The following ZCCHC7 variants were observed in gnomAD, a reference collection of about 807,000 sequenced individuals.
The protein encoded by ZCCHC7 is zinc finger CCHC-type containing 7.
In ZCCHC7, 35 loss-of-function variants were observed where a neutral mutation model predicts 52.0. The observed-to-expected ratio is 0.67, with a 90% CI of 0.51 to 0.89. The LOEUF (loss-of-function observed/expected upper bound fraction) is 0.89. Among genes scored for constraint, ZCCHC7 ranks in the 40% least tolerant of loss-of-function variants. ZCCHC7 has a pLI of 0.00. For synonymous variants in ZCCHC7, 217 were observed against 221.5 expected (o/e 0.98, Z 0.18); for missense variants, 574 against 649.1 (o/e 0.88, Z 1.26).
upstream of ZCCHC7, among the ~76,000 whole-genome samples, chr9:37,120,364 G>T (rs945347311): frequency 3.9e-5 from 6 of 152,252 alleles, no homozygotes; most frequent in Admixed American, 3.9e-4. Flanking sequence ...GTTGGGAAGG[G>T]GAAGGGGGAA....
chr9:37,272,230 C>T (rs1827452409), intron 2 of ZCCHC7, among the ~76,000 whole-genome samples: 1 of 152,074 alleles, frequency 6.6e-6, no homozygotes, highest in African/African-American at 2.4e-5. Flanking sequence ...TAAATATCTG[C>T]TGGGCCTGGT....
intron 2 of ZCCHC7, among the ~76,000 whole-genome samples, chr9:37,282,198 C>G (rs1166458453): frequency 6.6e-6 from 1 of 152,114 alleles, no homozygotes; most frequent in Admixed American, 6.6e-5. Context: ...GAAAATAATT[C>G]TGGTGATGGC....
At chr9:37,234,176 G>C (rs1175393516) in intron 2 of ZCCHC7, among the ~76,000 whole-genome samples, 1 of 152,062 alleles carries the variant, frequency 6.6e-6, no homozygotes, top group African/African-American at 2.4e-5. Flanking sequence ...GCCAGGATAG[G>C]GATTTATTGA....
chr9:37,263,562 T>C (rs1826962958), intron 2 of ZCCHC7, among the ~76,000 whole-genome samples: 1 of 152,162 alleles, frequency 6.6e-6, no homozygotes, highest in Admixed American at 6.5e-5. Context: ...TTGCATATCC[T>C]CTTTAAAATC....
chr9:37,244,007 T>C (rs1588540449), intron 2 of ZCCHC7, among the ~76,000 whole-genome samples: 2 of 151,980 alleles, frequency 1.3e-5, no homozygotes, highest in East Asian at 3.9e-4. Context: ...ATTTTATTCA[T>C]TTTTCACTTC....
intron 2 of ZCCHC7, among the ~76,000 whole-genome samples, chr9:37,164,461 A>C (rs1441720073): frequency 6.8e-6 from 1 of 146,166 alleles, no homozygotes; most frequent in African/African-American, 2.6e-5. Context: ...AGATAGATAG[A>C]TAGATAGATA....
chr9:37,253,006 C>T (rs1340749369), intron 2 of ZCCHC7, among the ~76,000 whole-genome samples: 1 of 151,990 alleles, frequency 6.6e-6, no homozygotes, highest in East Asian at 1.9e-4. Context: ...TGTTTCCTTC[C>T]TTTCATTAAA....
intron 2 of ZCCHC7, among the ~76,000 whole-genome samples, chr9:37,253,628 A>G (rs920745388): frequency 2.6e-5 from 4 of 152,050 alleles, no homozygotes; most frequent in Non-Finnish European, 4.4e-5. Flanking sequence ...CACATAAAAA[A>G]AAATTTACAT....
chr9:37,288,276 T>C (rs1276550639), intron 2 of ZCCHC7, among the ~76,000 whole-genome samples: 5 of 146,206 alleles, frequency 3.4e-5, no homozygotes, highest in African/African-American at 1.3e-4. Context: ...TGAGACCTTG[T>C]CTCAAAAAAA....
At chr9:37,254,843 T>TTTC (rs1826503951) in intron 2 of ZCCHC7, among the ~76,000 whole-genome samples, 1 of 145,186 alleles carries the variant, frequency 6.9e-6, no homozygotes, top group African/African-American at 2.5e-5. Flanking sequence ...GTTTCTTTTT[T>TTTC]TTTTTTTTTT....
At chr9:37,178,586 A>G (rs1451139131) in intron 2 of ZCCHC7, among the ~76,000 whole-genome samples, 1 of 152,218 alleles carries the variant, frequency 6.6e-6, no homozygotes, top group Admixed American at 6.5e-5. Flanking sequence ...AAACTCTTAT[A>G]GTTATGATAT....
intron 2 of ZCCHC7, among the ~76,000 whole-genome samples, chr9:37,166,403 T>C (rs12380367): frequency 0.14 from 20,724 of 151,952 alleles, 1,719 homozygotes; most frequent in Non-Finnish European, 0.17. Context: ...TCTCAAAAAC[T>C]AATAATAATA....
chr9:37,282,688 A>G lies in ZCCHC7; in HGVS notation c.611-19500A>G, dbSNP rs181316524. Among the ~76,000 whole-genome samples the G allele has an allele frequency of 6.3e-3, 961 of 151,464 alleles. 2 individuals are homozygous for G. Among genetic ancestry groups the G allele is most frequent in the Non-Finnish European group, 8.9e-3 (604 of 67,880 alleles). On this transcript the variant is annotated intron_variant, in intron 2 of 8. Transcript: ENST00000336755. ...GTTCAAGACCAGCCTGGGCAACAAA[A>G]TGAGATCCCATCTTTACAAAAAAAA...
chr9:37,329,169 T>C (rs1449264920), intron 6 of ZCCHC7, among the ~76,000 whole-genome samples: 1 of 151,786 alleles, frequency 6.6e-6, no homozygotes, highest in African/African-American at 2.4e-5. Context: ...AGATTTGACA[T>C]TGCATTTATT....
chr9:37,168,694 T>C (rs1054884888), intron 2 of ZCCHC7, among the ~76,000 whole-genome samples: 1 of 152,044 alleles, frequency 6.6e-6, no homozygotes, highest in Non-Finnish European at 1.5e-5. Flanking sequence ...GCCCAGGAGT[T>C]CAAGACTAGC....
chr9:37,295,034 CT>C (rs930982513), intron 2 of ZCCHC7, among the ~76,000 whole-genome samples: 3 of 152,066 alleles, frequency 2.0e-5, no homozygotes, highest in African/African-American at 7.2e-5. Context: ...AGCAATCATG[CT>C]TTGATGTTTG....
intron 5 of ZCCHC7, among the ~76,000 whole-genome samples, chr9:37,307,405 T>C (rs1829378519): frequency 6.6e-6 from 1 of 152,146 alleles, no homozygotes; most frequent in Non-Finnish European, 1.5e-5. Flanking sequence ...TATTTTATAT[T>C]AACAGCTAAT....
intron 2 of ZCCHC7, among the ~76,000 whole-genome samples, chr9:37,292,507 A>G (rs1828588673): frequency 6.6e-6 from 1 of 152,230 alleles, no homozygotes; most frequent in Non-Finnish European, 1.5e-5. Context: ...TAAATTGAAT[A>G]TAAATTTAAC....
At chr9:37,215,883 G>A (rs1293089619) in intron 2 of ZCCHC7, among the ~76,000 whole-genome samples, 2 of 152,060 alleles carry the variant, frequency 1.3e-5, no homozygotes, top group Admixed American at 1.3e-4. Context: ...AATTGTGTGT[G>A]TATATTTTTA....
Sources: allele counts gnomAD v4.1 joint callset (sites outside exome capture counted in the v4.1 genomes callset), GRCh38; gene constraint gnomAD v4.1.1; transcripts MANE v1.5; gene names NCBI Gene and HGNC (gene_info 2026-07-23, HGNC 2026-07-21).